Variants in MAP3K13 observed in about 807,000 individuals in gnomAD.
The protein encoded by MAP3K13 is leucine zipper-bearing kinase.
MAP3K13 carries 52 observed loss-of-function variants against 104.0 expected under a neutral mutation model. That is an observed-to-expected ratio of 0.50 (90% CI 0.40 to 0.63). The LOEUF is 0.63. MAP3K13 is among the 20% of genes least tolerant of loss of function. MAP3K13 has a pLI of 0.00. For synonymous variants in MAP3K13, 394 were observed against 442.2 expected (o/e 0.89, Z 1.37); for missense variants, 914 against 1,218.5 (o/e 0.75, Z 3.72).
intron 10 of MAP3K13, 80 bp downstream of exon 10, chr3:185,467,043 T>G: frequency 6.5e-7 from 1 of 1,529,840 alleles, no homozygotes. Context: ...TGATGGCGGA[T>G]GTGGCCTCTT....
chr3:185,430,346 C>T (rs373763153), intron 2 of MAP3K13, among the ~76,000 whole-genome samples: 40 of 151,992 alleles, frequency 2.6e-4, no homozygotes, highest in Middle Eastern at 3.2e-3. Flanking sequence ...GGGGTACGTG[C>T]GCAGGTTTGT....
At chr3:185,411,223 G>A (rs1010721202) in intron 1 of MAP3K13, among the ~76,000 whole-genome samples, 2 of 151,892 alleles carry the variant, frequency 1.3e-5, no homozygotes, top group African/African-American at 2.4e-5. Flanking sequence ...ACATGAATTT[G>A]CAATCAGTTA....
At chr3:185,416,406 A>G (rs913684706) in intron 1 of MAP3K13, among the ~76,000 whole-genome samples, 1 of 151,648 alleles carries the variant, frequency 6.6e-6, no homozygotes, top group Non-Finnish European at 1.5e-5. Context: ...TATATATACT[A>G]TCTCGTATAA....
Position 185,482,867 on chromosome 3 carries a change from G to T in MAP3K13, c.*411G>T. ...AAAAAAAGAAATAAGTGGAATTTAA[G>T]AGCAACATCCTTGGGAATTTGTGGG... On this transcript the variant is annotated 3_prime_UTR_variant, in exon 14 of 14. Transcript: ENST00000265026. This position sits in a 1 kb window ranked among gnomAD's most constrained non-coding sequence, Gnocchi z 4.5. 4.3e-6 allele frequency: 1 copy of T among 234,372 alleles called. No individual in the cohort carries two copies. The highest frequency in any genetic ancestry group is 8.4e-6 in the Non-Finnish European group (1 of 119,100). The allele number at this position is 234,372 out of a possible 1,614,324, so 14.5% of individuals were successfully genotyped here.
intron 1 of MAP3K13, among the ~76,000 whole-genome samples, chr3:185,428,138 C>T (rs57714644): frequency 0.13 from 19,082 of 151,736 alleles, 1,528 homozygotes; most frequent in South Asian, 0.25. Context: ...CCTTGAAAAT[C>T]ACAACAATAT....
In MAP3K13 at chr3:185,335,459, G is replaced by T. The variant is rs555447184; in HGVS notation, c.-86+49816G>T. Among the ~76,000 whole-genome samples, 18 of 152,190 alleles carry T rather than the reference G, an allele frequency of 1.2e-4. No individual in the cohort carries two copies. In the South Asian group the frequency reaches 3.7e-3, roughly 32 times the overall value. ...CAGCCAACTGTTGCAGTTACTCTAG[G>T]CTAATGTCACATTACAGCAGAATTC... On this transcript the variant is annotated intron_variant, in intron 2 of 14. Coordinates refer to the MAP3K13 transcript ENST00000424227.
intron 1 of MAP3K13, among the ~76,000 whole-genome samples, chr3:185,419,829 A>G (rs1484822155): frequency 6.6e-6 from 1 of 152,090 alleles, no homozygotes; most frequent in Non-Finnish European, 1.5e-5. Context: ...AAGATGTTTC[A>G]CCTTTGACTT....
rs1376010494 is a variant in MAP3K13 at position 185,488,568 on chromosome 3, A to G, written c.*6112A>G. ...AGGGTACGATGGCAGGACTTCACAG[A>G]GCAGAGCCCTAAGCAGATGGCAAGG... On this transcript the variant is annotated 3_prime_UTR_variant, in exon 14 of 14. Transcript: ENST00000265026. 4 of 152,276 alleles carry G rather than the reference A, an allele frequency of 2.6e-5. No homozygotes were observed. Among genetic ancestry groups the G allele is most frequent in the Non-Finnish European group, 5.9e-5 (4 of 68,102 alleles). 9.4% of individuals were successfully genotyped at this position (152,276 alleles called of 1,614,324 possible). A position where few individuals can be genotyped will look rare whatever the true frequency, so the allele number is the denominator to read the frequency against.
chr3:185,473,722 C>A lies in MAP3K13; in HGVS notation c.2391C>A (p.Thr797=). The change falls in exon 11 of 14, where the codon ACC becomes ACA. Residue 797 remains threonine, a synonymous_variant. Transcript: ENST00000265026. This position sits in a 1 kb window ranked among gnomAD's most constrained non-coding sequence, Gnocchi z 4.9. ...ESSLGTSHLG[T]PPALPRKTRP... is the part of the protein sequence containing the mutation. ...CCCTCGGCACCTCTCATCTCGGCAC[C>A]CCTCCAGCGCTACCTCGAAAAACAA... The A allele has an allele frequency of 6.2e-7, 1 of 1,613,958 alleles. No individual in the cohort carries two copies. The highest frequency in any genetic ancestry group is 8.5e-7 in the Non-Finnish European group (1 of 1,180,016).
chr3:185,402,020 A>T (rs936166283), intron 1 of MAP3K13, among the ~76,000 whole-genome samples: 2 of 152,248 alleles, frequency 1.3e-5, no homozygotes, highest in Non-Finnish European at 2.9e-5. Flanking sequence ...CTCAAGGAAG[A>T]GTTCCCGAAG....
At chr3:185,285,500 A>G (rs1577392443) in intron 1 of MAP3K13, 2 of 822,080 alleles carry the variant, frequency 2.4e-6, no homozygotes, top group East Asian at 5.4e-5. Flanking sequence ...GTACATTGAC[A>G]TTCTTGAGGT....
intron 2 of MAP3K13, among the ~76,000 whole-genome samples, chr3:185,436,253 C>G (rs1430485358): frequency 6.6e-6 from 1 of 152,112 alleles, no homozygotes; most frequent in East Asian, 1.9e-4. Flanking sequence ...ATATGAAGCA[C>G]TAATAATGCC....
At chr3:185,309,203 C>A (rs1451696369) in intron 2 of MAP3K13, among the ~76,000 whole-genome samples, 41 of 152,092 alleles carry the variant, frequency 2.7e-4, no homozygotes, top group Non-Finnish European at 4.4e-5. Flanking sequence ...ACAATAACTT[C>A]CACCACTGCT....
Position 185,480,369 on chromosome 3 carries a change from G to A in MAP3K13, c.2639G>A (p.Arg880His), listed in dbSNP as rs774835576. ...PDELADKLED[R>H]LAEKLDDLLS... ...GAGTTAGCTGATAAACTTGAAGACC[G>A]CTTGGCAGAGAAGCTAGACGACCTG... The change falls in exon 13 of 14, where the codon CGC (arginine) becomes CAC (histidine). Residue 880 changes from arginine to histidine, a missense_variant. Coordinates refer to ENST00000265026, the MANE Select transcript of MAP3K13 (RefSeq NM_004721.5). The A allele has an allele frequency of 2.8e-5, 46 of 1,614,090 alleles. No individual in the cohort carries two copies. The highest frequency in any genetic ancestry group is 2.5e-4 in the Admixed American group (15 of 60,000).
At chr3:185,427,169 A>G (rs948825639) in intron 1 of MAP3K13, among the ~76,000 whole-genome samples, 3 of 151,566 alleles carry the variant, frequency 2.0e-5, no homozygotes, top group African/African-American at 7.3e-5. Flanking sequence ...TCTGGCCAAC[A>G]TAGTGAAATC....
chr3:185,343,001 CCT>C (rs1247808339), intron 2 of MAP3K13, among the ~76,000 whole-genome samples: 2 of 151,830 alleles, frequency 1.3e-5, no homozygotes, highest in East Asian at 3.9e-4. Context: ...TTTTTTTCTC[CCT>C]GTTGGCTAAA....
chr3:185,414,479 TG>T (rs1289635670), intron 1 of MAP3K13, among the ~76,000 whole-genome samples: 1 of 152,202 alleles, frequency 6.6e-6, no homozygotes, highest in African/African-American at 2.4e-5. Flanking sequence ...ATAGAAGGCA[TG>T]GCCCAGTCAC....
intron 1 of MAP3K13, among the ~76,000 whole-genome samples, chr3:185,409,608 T>A (rs1237060056): frequency 6.6e-6 from 1 of 152,094 alleles, no homozygotes; most frequent in Non-Finnish European, 1.5e-5. Flanking sequence ...AGAACTGCCA[T>A]ATGGTCCAGC....
At chr3:185,357,030 C>G (rs568416467) in intron 2 of MAP3K13, among the ~76,000 whole-genome samples, 1 of 151,836 alleles carries the variant, frequency 6.6e-6, no homozygotes, top group East Asian at 1.9e-4. Flanking sequence ...GAAATGCCAA[C>G]TTGTGTCTAG....
Sources: allele counts gnomAD v4.1 joint callset (sites outside exome capture counted in the v4.1 genomes callset), GRCh38; gene constraint gnomAD v4.1.1; non-coding constraint Gnocchi (gnomAD v3.1); transcripts MANE v1.5; gene names NCBI Gene and HGNC (gene_info 2026-07-23, HGNC 2026-07-21).